CLVS1: variants seen among roughly 807,000 people sequenced by gnomAD.
The protein encoded by CLVS1 is clavesin-1.
A neutral mutation model predicts 33.1 loss-of-function variants in CLVS1; 10 were observed. The ratio of observed to expected loss-of-function variants is 0.30; its 90% confidence interval spans 0.19 to 0.51. The LOEUF (loss-of-function observed/expected upper bound fraction) is 0.51, where lower values mean the gene tolerates loss of function less well. Among genes scored for constraint, CLVS1 ranks in the 20% least tolerant of loss-of-function variants. CLVS1 has a pLI of 0.97. For synonymous variants in CLVS1, 163 were observed against 166.1 expected (o/e 0.98, Z 0.14); for missense variants, 343 against 433.4 (o/e 0.79, Z 1.85).
chr8:61,453,063 C>T (rs1210505217), intron 3 of CLVS1, among the ~76,000 whole-genome samples: 3 of 150,450 alleles, frequency 2.0e-5, no homozygotes, highest in South Asian at 4.3e-4. Context: ...CAGACTCCCT[C>T]GGCTTTCATC....
At chr8:61,105,655 A>G (rs1203636399) in intron 1 of CLVS1, among the ~76,000 whole-genome samples, 1 of 152,232 alleles carries the variant, frequency 6.6e-6, no homozygotes, top group Non-Finnish European at 1.5e-5. Flanking sequence ...ATTTGTAAAT[A>G]AGTAAATTAA....
chr8:61,232,552 T>G (rs971494838), intron 2 of CLVS1, among the ~76,000 whole-genome samples: 30 of 152,190 alleles, frequency 2.0e-4, no homozygotes, highest in Admixed American at 5.2e-4. Flanking sequence ...GAGGGATTCA[T>G]CTCCATAAAA....
At chr8:61,043,412 T>C in the CLVS1 span, among the ~76,000 whole-genome samples, 3 of 152,240 alleles carry the variant, frequency 2.0e-5, no homozygotes, top group African/African-American at 4.8e-5. Context: ...TTTATCTTAA[T>C]CATCAGTCTG....
chr8:61,494,973 G>A (rs767268464), intron 5 of CLVS1, among the ~76,000 whole-genome samples: 8 of 152,028 alleles, frequency 5.3e-5, no homozygotes, highest in Admixed American at 2.6e-4. Flanking sequence ...TTGGTTCCTC[G>A]GCCTCACTAT....
At chr8:61,468,289 T>C (rs558235074) in intron 5 of CLVS1, among the ~76,000 whole-genome samples, 61 of 152,324 alleles carry the variant, frequency 4.0e-4, no homozygotes, top group African/African-American at 1.3e-3. Flanking sequence ...GTTCCTTACA[T>C]AGCTAATATT....
At chr8:61,161,618 A>G (rs547517574) in intron 2 of CLVS1, among the ~76,000 whole-genome samples, 1 of 152,222 alleles carries the variant, frequency 6.6e-6, no homozygotes, top group Non-Finnish European at 1.5e-5. Flanking sequence ...AGAAGCAGAG[A>G]GGAGAATGGT....
the CLVS1 span, among the ~76,000 whole-genome samples, chr8:60,978,943 T>C: frequency 1.3e-5 from 2 of 151,880 alleles, no homozygotes; most frequent in Admixed American, 1.3e-4. Context: ...TATCTTCTAA[T>C]GGTTTTATTA....
intron 3 of CLVS1, among the ~76,000 whole-genome samples, chr8:61,416,559 G>C (rs1395427652): frequency 1.3e-5 from 2 of 152,148 alleles, no homozygotes; most frequent in East Asian, 1.9e-4. Context: ...CCATCAAAAA[G>C]AGCAAGAGAA....
the CLVS1 span, among the ~76,000 whole-genome samples, chr8:61,014,480 A>G: frequency 6.6e-6 from 1 of 152,238 alleles, no homozygotes; most frequent in South Asian, 2.1e-4. Flanking sequence ...TTAAAGGAGT[A>G]TGGGCATCAA....
chr8:61,366,754 C>T (rs907180794), intron 2 of CLVS1, among the ~76,000 whole-genome samples: 15 of 152,170 alleles, frequency 9.9e-5, no homozygotes, highest in Non-Finnish European at 1.2e-4. Flanking sequence ...TCTAGACTAG[C>T]AGTGCAAGCA....
chr8:61,138,070 C>G (rs1806222642), intron 2 of CLVS1, among the ~76,000 whole-genome samples: 1 of 152,152 alleles, frequency 6.6e-6, no homozygotes, highest in Admixed American at 6.5e-5. Context: ...GGAGAGTAGA[C>G]AGACTCAGAA....
At chr8:61,290,910 G>T (rs1456072762) in intron 1 of CLVS1, among the ~76,000 whole-genome samples, 1 of 152,162 alleles carries the variant, frequency 6.6e-6, no homozygotes, top group Non-Finnish European at 1.5e-5. Flanking sequence ...GAATAAAGTT[G>T]TTTCAAAAGA....
chr8:61,032,203 G>C, the CLVS1 span, among the ~76,000 whole-genome samples: 1 of 152,202 alleles, frequency 6.6e-6, no homozygotes, highest in Admixed American at 6.5e-5. Flanking sequence ...TGAGAGGAGA[G>C]ACTGTGCCCT....
chr8:61,435,027 AG>A (rs1438137736), intron 3 of CLVS1, among the ~76,000 whole-genome samples: 2 of 152,198 alleles, frequency 1.3e-5, no homozygotes, highest in Non-Finnish European at 2.9e-5. Flanking sequence ...CACAATATAT[AG>A]GGTCAAATAA....
rs1271652785 is a variant in CLVS1, at chr8:61,376,843, C to T, written c.630+64C>T. 12 of 1,404,662 alleles carry T rather than the reference C, an allele frequency of 8.5e-6. No individual in the cohort carries two copies. The Admixed American group carries it at 2.6e-4, about 30-fold the overall frequency. 87.0% of individuals were successfully genotyped at this position (1,404,662 alleles called of 1,614,324 possible). A position where few individuals can be genotyped will look rare whatever the true frequency, so the allele number is the denominator to read the frequency against. ...CAACATACTTTTTAAAAAATTATCG[C>T]AACCAAAGTAATATTTATCCTTTGG... On this transcript the variant is annotated intron_variant, in intron 3 of 5. Transcript: ENST00000325897.
chr8:61,365,400 G>A (rs1813157675), intron 2 of CLVS1, among the ~76,000 whole-genome samples: 1 of 152,096 alleles, frequency 6.6e-6, no homozygotes, highest in East Asian at 1.9e-4. Context: ...GGTGGTGGGT[G>A]CCTGTAATCC....
At chr8:61,445,110 T>C (rs1247882008) in intron 3 of CLVS1, among the ~76,000 whole-genome samples, 1 of 152,230 alleles carries the variant, frequency 6.6e-6, no homozygotes, top group African/African-American at 2.4e-5. Flanking sequence ...TTCTATAATA[T>C]AAGTTAGCCT....
chr8:61,397,445 A>G (rs1814572343), intron 3 of CLVS1, among the ~76,000 whole-genome samples: 1 of 152,126 alleles, frequency 6.6e-6, no homozygotes. Flanking sequence ...CCCTGGTAAG[A>G]TCAAATATTT....
At chr8:61,125,288 G>A (rs569018571) in intron 1 of CLVS1, among the ~76,000 whole-genome samples, 30 of 152,220 alleles carry the variant, frequency 2.0e-4, no homozygotes, top group African/African-American at 7.0e-4. Context: ...CCTCCATGGC[G>A]CAGCAGTGCT....
Sources: allele counts gnomAD v4.1 joint callset (sites outside exome capture counted in the v4.1 genomes callset), GRCh38; gene constraint gnomAD v4.1.1; transcripts MANE v1.5; gene names NCBI Gene and HGNC (gene_info 2026-07-23, HGNC 2026-07-21).